Variants in ANKRD6 observed in about 807,000 individuals in gnomAD.
ANKRD6 encodes the protein ankyrin repeat domain-containing protein 6.
Under a neutral mutation model 82.3 loss-of-function variants are expected in ANKRD6, and 56 were observed. The ratio of observed to expected loss-of-function variants is 0.68; its 90% CI spans 0.55 to 0.85. The LOEUF is 0.85. ANKRD6 is among the 40% of genes least tolerant of loss of function. The probability of loss-of-function intolerance (pLI) is 0.00; values close to 1 mark genes in which losing one functional copy is unlikely to be tolerated. For missense variants in ANKRD6, 852 were observed against 907.6 expected, an observed-to-expected ratio of 0.94 and a Z score of 0.79; for synonymous variants, 347 against 352.1, an observed-to-expected ratio of 0.99 and a Z score of 0.16.
rs545415147 is a variant in ANKRD6 at position 89,453,735 on chromosome 6, C to A, written c.-144+20360C>A. Among the ~76,000 whole-genome samples, 6 of 148,748 alleles carry A rather than the reference C, an allele frequency of 4.0e-5. No individual in the cohort carries two copies. The South Asian group carries it at 1.3e-3, about 31-fold the overall frequency. On this transcript the variant is annotated intron_variant, in intron 1 of 15. Coordinates refer to ENST00000339746, the MANE Select transcript of ANKRD6 (RefSeq NM_001242809.2). ...GCTGAGACTACAGGTGCACGCCACC[C>A]AGCTAATTTTTGTATTTTTTATTTA...
intron 1 of ANKRD6, among the ~76,000 whole-genome samples, chr6:89,554,493 A>G (rs1318311701): frequency 6.6e-6 from 1 of 151,978 alleles, no homozygotes; most frequent in Non-Finnish European, 1.5e-5. Flanking sequence ...GGACTAAGAC[A>G]TGGACATATC....
At chr6:89,529,213 T>G (rs1307175222) in intron 1 of ANKRD6, among the ~76,000 whole-genome samples, 4 of 152,244 alleles carry the variant, frequency 2.6e-5, no homozygotes, top group Admixed American at 2.6e-4. Context: ...TGTTGTTTAG[T>G]GTAGCCACTG....
Position 89,631,857 on chromosome 6 carries a change from C to T in ANKRD6, c.*853C>T, listed in dbSNP as rs1052006996. The T allele has an allele frequency of 2.0e-5, 3 of 152,186 alleles. No homozygotes were observed. The highest frequency in any genetic ancestry group is 2.1e-4 in the South Asian group (1 of 4,828). The allele number at this position is 152,186 out of a possible 1,614,324, so 9.4% of individuals were successfully genotyped here. On this transcript the variant is annotated 3_prime_UTR_variant, in exon 16 of 16. Transcript: ENST00000339746. ...TTCTGAATTTGAGATTTTTGCTCTACATTTTATAATGAATAAGGCTATTTT... is the reference window on the plus strand; with the variant it reads ...TTCTGAATTTGAGATTTTTGCTCTATATTTTATAATGAATAAGGCTATTTT...
chr6:89,471,605 TTATC>T (rs1775484197), intron 1 of ANKRD6, among the ~76,000 whole-genome samples: 1 of 149,964 alleles, frequency 6.7e-6, no homozygotes, highest in Non-Finnish European at 1.5e-5. Flanking sequence ...AGGTATGTGT[TTATC>T]TGTGTGTTAG....
At chr6:89,607,696 C>A (rs1289788405) in intron 5 of ANKRD6, among the ~76,000 whole-genome samples, 1 of 147,166 alleles carries the variant, frequency 6.8e-6, no homozygotes, top group Non-Finnish European at 1.5e-5. Context: ...CGTTCTGTCA[C>A]CCAGGCTGGA....
At chr6:89,591,151 T>A (rs1273227968) in intron 2 of ANKRD6, among the ~76,000 whole-genome samples, 1 of 152,208 alleles carries the variant, frequency 6.6e-6, no homozygotes, top group African/African-American at 2.4e-5. Context: ...TTGCCCAGAC[T>A]GAAGTGCAAT....
At chr6:89,614,411 A>G (rs1374221151) in intron 7 of ANKRD6, among the ~76,000 whole-genome samples, 1 of 152,088 alleles carries the variant, frequency 6.6e-6, no homozygotes, top group Admixed American at 6.6e-5. Flanking sequence ...TTGGGAGACT[A>G]AGGTGGGTGG....
At chr6:89,483,197 G>A (rs967718454) in intron 1 of ANKRD6, among the ~76,000 whole-genome samples, 5 of 152,124 alleles carry the variant, frequency 3.3e-5, no homozygotes, top group African/African-American at 7.2e-5. Context: ...TGAAAAGCCC[G>A]CCTGGTAGAT....
intron 2 of ANKRD6, among the ~76,000 whole-genome samples, chr6:89,575,953 G>A (rs1164422705): frequency 6.6e-6 from 1 of 152,210 alleles, no homozygotes; most frequent in Non-Finnish European, 1.5e-5. Context: ...AGTGGGGTTG[G>A]GAGCTGGAAA....
intron 1 of ANKRD6, among the ~76,000 whole-genome samples, chr6:89,507,346 G>C (rs536752707): frequency 6.6e-6 from 1 of 152,152 alleles, no homozygotes; most frequent in Non-Finnish European, 1.5e-5. Flanking sequence ...AAATATGCAG[G>C]AGTGGATGTT....
chr6:89,594,370 G>A (rs1177526266), intron 2 of ANKRD6, among the ~76,000 whole-genome samples: 1 of 151,994 alleles, frequency 6.6e-6, no homozygotes, highest in East Asian at 1.9e-4. Flanking sequence ...TGGGAGGATC[G>A]CTTGAGCCAA....
intron 1 of ANKRD6, among the ~76,000 whole-genome samples, chr6:89,549,642 C>T (rs1468897406): frequency 1.3e-5 from 2 of 152,116 alleles, no homozygotes; most frequent in East Asian, 3.9e-4. Context: ...ACAAAAACAA[C>T]TTGGAGTTTA....
At chr6:89,503,691 T>C (rs1205293981) in intron 1 of ANKRD6, among the ~76,000 whole-genome samples, 2 of 152,192 alleles carry the variant, frequency 1.3e-5, no homozygotes, top group Non-Finnish European at 2.9e-5. Context: ...ATTATATAGA[T>C]GGCAATAAGT....
chr6:89,481,536 G>T (rs1386699379), intron 1 of ANKRD6, among the ~76,000 whole-genome samples: 1 of 152,164 alleles, frequency 6.6e-6, no homozygotes, highest in Non-Finnish European at 1.5e-5. Flanking sequence ...TATTTAGAGG[G>T]CAATTTGTCA....
intron 1 of ANKRD6, among the ~76,000 whole-genome samples, chr6:89,518,639 CA>C (rs371748442): frequency 0.019 from 2,752 of 142,554 alleles, 88 homozygotes; most frequent in African/African-American, 0.065. Context: ...TCATATGATG[CA>C]AAAAAAAAAG....
intron 14 of ANKRD6, 122 bp from the exon 15 acceptor site, chr6:89,628,990 G>A (rs1007170868): frequency 1.8e-6 from 2 of 1,132,666 alleles, no homozygotes; most frequent in African/African-American, 1.6e-5. Flanking sequence ...GGGTTTGTTA[G>A]ATGGTATCCT....
intron 7 of ANKRD6, 138 bp from the exon 8 acceptor site, chr6:89,616,421 T>G: frequency 1.4e-6 from 1 of 710,440 alleles, no homozygotes; most frequent in Non-Finnish European, 2.4e-6. Flanking sequence ...CTCATAACGC[T>G]TTAACAAAGG....
intron 1 of ANKRD6, among the ~76,000 whole-genome samples, chr6:89,459,795 G>T (rs1773906958): frequency 6.6e-6 from 1 of 152,156 alleles, no homozygotes; most frequent in Non-Finnish European, 1.5e-5. Context: ...AAGCTGCTGT[G>T]CCCAGCTTAG....
At chr6:89,479,245 GA>G (rs1203195249) in intron 1 of ANKRD6, among the ~76,000 whole-genome samples, 1 of 152,162 alleles carries the variant, frequency 6.6e-6, no homozygotes, top group Non-Finnish European at 1.5e-5. Context: ...GAATTTTGAA[GA>G]ACCACTGGGA....
Sources: allele counts gnomAD v4.1 joint callset (sites outside exome capture counted in the v4.1 genomes callset), GRCh38; gene constraint gnomAD v4.1.1; transcripts MANE v1.5; gene names NCBI Gene and HGNC (gene_info 2026-07-23, HGNC 2026-07-21).